The following RIMS2 variants were observed in gnomAD, a reference collection of about 807,000 sequenced individuals.
The protein encoded by RIMS2 is regulating synaptic membrane exocytosis 2, also known as regulating synaptic membrane exocytosis protein 2.
Under a neutral mutation model 174.4 loss-of-function variants are expected in RIMS2, and 59 were observed. The ratio of observed to expected loss-of-function variants is 0.34; its 90% CI spans 0.27 to 0.42. The LOEUF is 0.42. RIMS2 is among the 10% of genes least tolerant of loss of function. The pLI, the probability that RIMS2 is intolerant of heterozygous loss-of-function variation, is 1.00. For synonymous variants in RIMS2, 606 were observed against 572.5 expected (o/e 1.06, Z -0.84); for missense variants, 1,620 against 1,666.3 (o/e 0.97, Z 0.48).
chr8:103,548,983 A>C (rs1288237261), intron 1 of RIMS2, among the ~76,000 whole-genome samples: 1 of 152,218 alleles, frequency 6.6e-6, no homozygotes, highest in Non-Finnish European at 1.5e-5. Context: ...GATCTTTACA[A>C]TGAGAATTAC....
intron 3 of RIMS2, among the ~76,000 whole-genome samples, chr8:103,804,802 G>T (rs2098639182): frequency 6.6e-6 from 1 of 151,800 alleles, no homozygotes; most frequent in African/African-American, 2.4e-5. Flanking sequence ...TGTAGAAATT[G>T]TCTTTTTTTT....
intron 6 of RIMS2, among the ~76,000 whole-genome samples, chr8:103,914,098 A>G (rs966406569): frequency 1.3e-5 from 2 of 152,124 alleles, no homozygotes; most frequent in Admixed American, 1.3e-4. Flanking sequence ...CAATGGTGGG[A>G]TTTAAATTCA....
At chr8:104,106,037 C>CAAAAAAAAAAAAAAAAAAAAAA (rs575916023) in intron 19 of RIMS2, among the ~76,000 whole-genome samples, 5 of 56,916 alleles carry the variant, frequency 8.8e-5, no homozygotes, top group Admixed American at 2.4e-4. Flanking sequence ...GACTCTGCCA[C>CAAAAAAAAAAAAAAAAAAAAAA]AAAAAAAAAA....
At chr8:104,213,858 A>C (rs1388485062) in intron 19 of RIMS2, among the ~76,000 whole-genome samples, 2 of 149,428 alleles carry the variant, frequency 1.3e-5, no homozygotes, top group African/African-American at 2.5e-5. Context: ...GCCTGGTGAC[A>C]GAGCGAGACT....
chr8:104,208,137 T>A (rs1432632578), intron 19 of RIMS2, among the ~76,000 whole-genome samples: 1 of 152,154 alleles, frequency 6.6e-6, no homozygotes, highest in Admixed American at 6.5e-5. Context: ...TGGATTATGA[T>A]GCTGTTATGA....
At chr8:103,855,625 A>G (rs1260070911) in intron 3 of RIMS2, among the ~76,000 whole-genome samples, 1 of 152,044 alleles carries the variant, frequency 6.6e-6, no homozygotes, top group African/African-American at 2.4e-5. Context: ...CCTATGAGTT[A>G]TTGAGGAACA....
chr8:103,769,825 T>G (rs1212650717), intron 3 of RIMS2, among the ~76,000 whole-genome samples: 1 of 152,232 alleles, frequency 6.6e-6, no homozygotes, highest in Non-Finnish European at 1.5e-5. Flanking sequence ...AAATTCGTGC[T>G]TAATGACTAA....
intron 19 of RIMS2, among the ~76,000 whole-genome samples, chr8:104,023,436 A>T (rs368367984): frequency 6.6e-6 from 1 of 152,182 alleles, no homozygotes; most frequent in South Asian, 2.1e-4. Context: ...TAGCAGTATA[A>T]GTAGCTGGAT....
At chr8:103,804,805 T>C (rs970401868) in intron 3 of RIMS2, among the ~76,000 whole-genome samples, 4 of 149,884 alleles carry the variant, frequency 2.7e-5, no homozygotes, top group Non-Finnish European at 5.9e-5. Context: ...AGAAATTGTC[T>C]TTTTTTTTTC....
intron 17 of RIMS2, among the ~76,000 whole-genome samples, chr8:104,004,719 A>G (rs2095511959): frequency 6.6e-6 from 1 of 152,200 alleles, no homozygotes; most frequent in African/African-American, 2.4e-5. Flanking sequence ...CAGAAAAAAG[A>G]CAGAATGATT....
At chr8:103,610,718 G>C (rs1160323911) in intron 1 of RIMS2, among the ~76,000 whole-genome samples, 1 of 152,102 alleles carries the variant, frequency 6.6e-6, no homozygotes, top group Admixed American at 6.6e-5. Context: ...ATGTGCTGCT[G>C]GATTTGATTT....
In RIMS2 at chr8:104,081,371, T is replaced by C. The variant is rs148133663; in HGVS notation, c.3334+66756T>C. ...AAAACATGTTTTTATTCAAGTTAGT[T>C]AATATGATATTATTGTCAAAGTTTT... On this transcript the variant is annotated intron_variant, in intron 19 of 23. Transcript: ENST00000504942. Among the ~76,000 whole-genome samples the C allele has an allele frequency of 1.3e-4, 20 of 152,150 alleles. No individual in the cohort carries two copies. In the East Asian group the frequency reaches 3.7e-3, roughly 28 times the overall value.
intron 14 of RIMS2, among the ~76,000 whole-genome samples, chr8:103,949,879 A>G (rs1379703334): frequency 1.3e-5 from 2 of 152,146 alleles, no homozygotes; most frequent in African/African-American, 4.8e-5. Context: ...ATAATTGATA[A>G]GCCTTTAGGC....
chr8:104,135,379 T>G (rs980119708), intron 19 of RIMS2, among the ~76,000 whole-genome samples: 3 of 151,998 alleles, frequency 2.0e-5, no homozygotes, highest in African/African-American at 7.2e-5. Context: ...GGCAGATGGC[T>G]CAAGCCCAGA....
In RIMS2 at chr8:103,936,731, A is replaced by C; in HGVS notation, c.2547+9A>C. 1 of 1,591,508 alleles carries C rather than the reference A, an allele frequency of 6.3e-7. No homozygotes were observed. The highest frequency in any genetic ancestry group is 8.5e-7 in the Non-Finnish European group (1 of 1,169,954). ...GTGAATTCTTAGGCGAGGTATCTGG[A>C]GTTGTTTTAAAGTTTATGCTATTCA... On this transcript the variant is annotated intron_variant, in intron 13 of 23. Transcript: ENST00000504942.
intron 12 of RIMS2, 78 bp downstream of exon 14, chr8:103,931,471 A>G: frequency 1.0e-6 from 1 of 1,003,178 alleles, no homozygotes; most frequent in Non-Finnish European, 1.4e-6. Context: ...TCAATTCTGT[A>G]TCATTTATTG....
intron 14 of RIMS2, among the ~76,000 whole-genome samples, chr8:103,946,090 A>G (rs77258923): frequency 1.7e-3 from 257 of 152,328 alleles, no homozygotes; most frequent in African/African-American, 6.0e-3. Flanking sequence ...AAAATTCTAA[A>G]GAACCCACAC....
In RIMS2 at chr8:103,623,722, C is replaced by G. The variant is rs1589238183; in HGVS notation, c.177-73364C>G. On this transcript the variant is annotated intron_variant, in intron 1 of 23. Transcript: ENST00000504942. Reference sequence around the variant, plus strand: ...GCCAGGATGGTCTCGATCTCCTGACCTCGTGATCCGCCCGCTTCGGCCTCC... The same window carrying G: ...GCCAGGATGGTCTCGATCTCCTGACGTCGTGATCCGCCCGCTTCGGCCTCC... 2.6e-5 allele frequency among the ~76,000 whole-genome samples: 4 copies of G among 151,760 alleles called. No individual in the cohort carries two copies. In the South Asian group the frequency reaches 8.3e-4, roughly 31 times the overall value.
chr8:103,592,004 A>C (rs560564607), intron 1 of RIMS2, among the ~76,000 whole-genome samples: 1 of 151,344 alleles, frequency 6.6e-6, no homozygotes, highest in Non-Finnish European at 1.5e-5. Context: ...ATTGACATTT[A>C]ACAATATTAG....
Sources: allele counts gnomAD v4.1 joint callset (sites outside exome capture counted in the v4.1 genomes callset), GRCh38; gene constraint gnomAD v4.1.1; transcripts MANE v1.5; gene names NCBI Gene and HGNC (gene_info 2026-07-23, HGNC 2026-07-21).